The following FHIT variants were observed in gnomAD, a reference collection of about 807,000 sequenced individuals.
FHIT encodes the protein bis(5'-adenosyl)-triphosphatase.
FHIT carries 19 observed loss-of-function variants against 17.9 expected under a neutral mutation model. The ratio of observed to expected loss-of-function variants is 1.06; its 90% CI spans 0.74 to 1.56. The LOEUF (loss-of-function observed/expected upper bound fraction) is 1.56. Ranked by LOEUF, FHIT falls within the 40% of genes most tolerant of loss-of-function variation. The pLI is 0.00. For synonymous variants in FHIT, 81 were observed against 69.7 expected (o/e 1.16, Z -0.81); for missense variants, 248 against 189.2 (o/e 1.31, Z -1.82).
intron 4 of FHIT, among the ~76,000 whole-genome samples, chr3:60,701,900 C>A (rs2041256677): frequency 6.6e-6 from 1 of 152,110 alleles, no homozygotes; most frequent in African/African-American, 2.4e-5. Context: ...CAGCCTACAC[C>A]CAGGAATGAA....
chr3:60,604,611 A>G (rs2038548775), intron 4 of FHIT, among the ~76,000 whole-genome samples: 1 of 152,136 alleles, frequency 6.6e-6, no homozygotes, highest in Non-Finnish European at 1.5e-5. Context: ...CAGATAACAA[A>G]TTATGTCATT....
chr3:60,908,910 A>C (rs1304609311), intron 3 of FHIT, among the ~76,000 whole-genome samples: 1 of 152,152 alleles, frequency 6.6e-6, no homozygotes, highest in African/African-American at 2.4e-5. Context: ...CACAAAAATG[A>C]CTAAGACAGG....
At chr3:60,883,420 CA>C (rs1169665284) in intron 3 of FHIT, among the ~76,000 whole-genome samples, 3 of 152,112 alleles carry the variant, frequency 2.0e-5, no homozygotes, top group East Asian at 1.9e-4. Context: ...CAATCCCCAG[CA>C]AAAAGAACAA....
At chr3:61,204,828 T>G (rs371035850) in intron 1 of FHIT, among the ~76,000 whole-genome samples, 40 of 152,218 alleles carry the variant, frequency 2.6e-4, no homozygotes, top group Middle Eastern at 3.4e-3. Flanking sequence ...TTTTTAAAAT[T>G]TTATTATTAT....
intron 3 of FHIT, among the ~76,000 whole-genome samples, chr3:61,002,573 G>T (rs903931679): frequency 6.6e-6 from 1 of 152,046 alleles, no homozygotes; most frequent in African/African-American, 2.4e-5. Flanking sequence ...ACTGCACCTG[G>T]CCACTTTATA....
intron 3 of FHIT, among the ~76,000 whole-genome samples, chr3:60,880,175 G>C (rs1313133362): frequency 1.3e-5 from 2 of 152,124 alleles, no homozygotes; most frequent in Admixed American, 1.3e-4. Context: ...TAGACTAACA[G>C]AAGACTTTCA....
chr3:60,170,565 G>A (rs1456747117), intron 5 of FHIT, among the ~76,000 whole-genome samples: 1 of 152,096 alleles, frequency 6.6e-6, no homozygotes, highest in African/African-American at 2.4e-5. Flanking sequence ...GAGATGATGT[G>A]AGAAGACTTC....
intron 5 of FHIT, among the ~76,000 whole-genome samples, chr3:60,171,707 A>C (rs1179929730): frequency 6.6e-6 from 1 of 151,826 alleles, no homozygotes; most frequent in East Asian, 1.9e-4. Flanking sequence ...TCATTCATTC[A>C]TTCGTTTTTT....
intron 5 of FHIT, among the ~76,000 whole-genome samples, chr3:60,526,065 T>G (rs2035562875): frequency 6.6e-6 from 1 of 151,966 alleles, no homozygotes. Context: ...GTTGTACCAC[T>G]GCACTATAGC....
intron 4 of FHIT, among the ~76,000 whole-genome samples, chr3:60,721,410 A>ACG (rs1474139631): frequency 4.6e-5 from 7 of 152,182 alleles, no homozygotes; most frequent in African/African-American, 1.4e-4. Context: ...ACACACACAC[A>ACG]CATACACTGC....
At chr3:60,930,828 C>T (rs1291809265) in intron 3 of FHIT, among the ~76,000 whole-genome samples, 1 of 152,140 alleles carries the variant, frequency 6.6e-6, no homozygotes, top group Non-Finnish European at 1.5e-5. Context: ...GGATCTAGAA[C>T]TAGAAATACC....
intron 3 of FHIT, among the ~76,000 whole-genome samples, chr3:60,866,913 T>C (rs181840224): frequency 1.3e-5 from 2 of 152,284 alleles, no homozygotes; most frequent in African/African-American, 2.4e-5. Context: ...TCTTTCCCCA[T>C]TGACTGTTGA....
chr3:61,221,783 G>A (rs4688379), intron 1 of FHIT, among the ~76,000 whole-genome samples: 87,928 of 152,050 alleles, frequency 0.58, 29,116 homozygotes, highest in African/African-American at 0.88. Flanking sequence ...GAGAATACCA[G>A]CTCCCCATTT....
intron 4 of FHIT, among the ~76,000 whole-genome samples, chr3:60,599,016 A>AT (rs2038357412): frequency 1.3e-5 from 2 of 152,240 alleles, no homozygotes; most frequent in Admixed American, 6.5e-5. Context: ...TTCGTTTAAA[A>AT]TCTGTTAAAA....
At position 60,665,994 on chromosome 3, in the gene FHIT, C is replaced by A. The variant is rs921272308; in HGVS notation, c.-17-129015G>T. The stretch of plus-strand genomic sequence containing the variant: ...CTAAAACCTAATATGTGACTTGTTA[C>A]AGGCTACATTATCAACATTTAACTA... On this transcript the variant is annotated intron_variant, in intron 4 of 9. Transcript: ENST00000492590. Among the ~76,000 whole-genome samples, 8 of 152,126 alleles carry A rather than the reference C, an allele frequency of 5.3e-5. No homozygotes were observed. The East Asian group carries it at 1.5e-3, about 29-fold the overall frequency.
Position 60,268,269 on chromosome 3 carries a change from A to C in FHIT, c.104-254117T>G, listed in dbSNP as rs1048058241. On this transcript the variant is annotated intron_variant, in intron 5 of 9. Transcript: ENST00000492590. Reference sequence around the variant, plus strand: ...AGCATTTAGGCTGAGGACGTTAAGTATGATGTACTGTTGGGATAATTTGCA... The same window carrying C: ...AGCATTTAGGCTGAGGACGTTAAGTCTGATGTACTGTTGGGATAATTTGCA... Among the ~76,000 whole-genome samples, 4 of 152,224 alleles carry C rather than the reference A, an allele frequency of 2.6e-5. No homozygotes were observed. The East Asian group carries it at 7.7e-4, about 29-fold the overall frequency.
chr3:59,988,612 G>C (rs1012217044), intron 7 of FHIT, among the ~76,000 whole-genome samples: 1 of 151,978 alleles, frequency 6.6e-6, no homozygotes, highest in Non-Finnish European at 1.5e-5. Flanking sequence ...CATGTCCCCT[G>C]TTCTCATGAG....
intron 5 of FHIT, among the ~76,000 whole-genome samples, chr3:60,432,002 G>C (rs371295022): frequency 2.2e-4 from 34 of 151,990 alleles, no homozygotes; most frequent in African/African-American, 7.5e-4. Context: ...CTGAGACAGG[G>C]TCTTACTCTG....
chr3:60,497,231 C>G (rs1251139849), intron 5 of FHIT, among the ~76,000 whole-genome samples: 1 of 152,044 alleles, frequency 6.6e-6, no homozygotes, highest in Non-Finnish European at 1.5e-5. Context: ...GCAATGGTTA[C>G]AAGGTTGAGA....
Sources: allele counts gnomAD v4.1 joint callset (sites outside exome capture counted in the v4.1 genomes callset), GRCh38; gene constraint gnomAD v4.1.1; transcripts MANE v1.5; gene names NCBI Gene and HGNC (gene_info 2026-07-23, HGNC 2026-07-21).